The following QRICH1 variants were observed in gnomAD, a reference collection of about 807,000 sequenced individuals.
QRICH1 encodes glutamine rich 1, also known as transcriptional regulator QRICH1.
Under a neutral mutation model 87.1 loss-of-function variants are expected in QRICH1, and 16 were observed. That is an observed-to-expected ratio of 0.18 (90% CI 0.12 to 0.28). QRICH1 has a LOEUF of 0.28. Among genes scored for constraint, QRICH1 ranks in the 10% least tolerant of loss-of-function variants. The pLI is 1.00. For missense variants in QRICH1, 647 were observed against 951.7 expected (o/e 0.68, Z 4.21); for synonymous variants, 367 against 368.4 (o/e 1.00, Z 0.05).
chr3:49,082,667 G>A (rs2042084261), intron 1 of QRICH1, among the ~76,000 whole-genome samples: 1 of 151,250 alleles, frequency 6.6e-6, no homozygotes, highest in African/African-American at 2.4e-5. Context: ...AGGCTGAGGT[G>A]GGTGGATCAC....
chr3:49,047,099 C>T lies in QRICH1; in HGVS notation c.1486G>A (p.Asp496Asn). ...AQTKNAELEK[D>N]AQNRLAPIGR... is the part of the protein sequence containing the mutation. Reference sequence around the variant, plus strand: ...ATGGGTGCCAATCTGTTCTGAGCATCCTTCTCTAGTTCAGCATTCTTGGTC... The same window carrying T: ...ATGGGTGCCAATCTGTTCTGAGCATTCTTCTCTAGTTCAGCATTCTTGGTC... The change falls in exon 4 of 10, where the codon GAT (aspartate) becomes AAT (asparagine). Residue 496 changes from aspartate (D) to asparagine (N), a missense_variant. Asp to Asn is a conservative substitution (Grantham distance 23). Transcript: ENST00000395443. 1 of 1,614,076 alleles carries T rather than the reference C, an allele frequency of 6.2e-7. No homozygotes were observed. The highest frequency in any genetic ancestry group is 1.7e-5 in the Admixed American group (1 of 60,020).
chr3:49,055,082 A>G (rs1028456654), intron 3 of QRICH1, among the ~76,000 whole-genome samples: 6 of 152,224 alleles, frequency 3.9e-5, no homozygotes, highest in Non-Finnish European at 8.8e-5. Context: ...ACTCTAAGCT[A>G]TATGAAGCAA....
Position 49,056,928 on chromosome 3 carries a change from C to T in QRICH1, c.1272G>A (p.Gln424=). The T allele has an allele frequency of 6.2e-7, 1 of 1,614,100 alleles. No individual in the cohort carries two copies. The highest frequency in any genetic ancestry group is 1.3e-5 in the African/African-American group (1 of 75,044). ...GTGGTGTCTGTTCCTGGGGAGTTTG[C>T]TGCTGCGGCTGCTGTTGGGGGTCCC... ...HIWDPQQQPQ[Q]QTPQEQTPPP... Residue 424 remains glutamine, a synonymous_variant, in exon 3 of 10, where the codon CAG becomes CAA. Transcript: ENST00000395443.
At position 49,057,293 on chromosome 3, in the gene QRICH1, T is replaced by C; in HGVS notation, c.907A>G (p.Ser303Gly). 6.2e-7 allele frequency: 1 copy of C among 1,614,222 alleles called. No homozygotes were observed. Among genetic ancestry groups the C allele is most frequent in the Non-Finnish European group, 8.5e-7 (1 of 1,180,046 alleles). Residue 303 changes from serine (S) to glycine (G), a missense_variant, in exon 3 of 10, where the codon AGC becomes GGC. By Grantham distance (56) the Ser-to-Gly change is moderately conservative (BLOSUM62 0). Around this residue, in one of 7 missense-constraint regions of QRICH1, gnomAD observed 75 missense variants for 141.0 expected, o/e 0.53. Transcript: ENST00000395443. This position sits in a 1 kb window ranked among gnomAD's most constrained non-coding sequence, Gnocchi z 5.4. The part of the protein sequence containing the change: ...HLYSATGTIT[S>G]PTGETWTIPV... ...ATGGTCCAGGTTTCTCCTGTAGGGCTAGTAATGGTCCCAGTGGCACTGTAC... is the reference window on the plus strand; with the variant it reads ...ATGGTCCAGGTTTCTCCTGTAGGGCCAGTAATGGTCCCAGTGGCACTGTAC...
chr3:49,077,956 ACAGTT>A (rs2041983361), intron 1 of QRICH1, among the ~76,000 whole-genome samples: 1 of 152,222 alleles, frequency 6.6e-6, no homozygotes, highest in Admixed American at 6.5e-5. Flanking sequence ...CTGCAGACGT[ACAGTT>A]AACTCTCATC....
intron 1 of QRICH1, chr3:49,083,476 C>G (rs1300189170): frequency 1.3e-5 from 2 of 152,004 alleles, no homozygotes; most frequent in African/African-American, 2.4e-5. Flanking sequence ...TAGTAGAATC[C>G]TGTCTGTGGA....
At chr3:49,063,881 TA>T (rs1178517191) in intron 2 of QRICH1, among the ~76,000 whole-genome samples, 8 of 152,194 alleles carry the variant, frequency 5.3e-5, no homozygotes, top group African/African-American at 1.9e-4. Flanking sequence ...ACTTGTACTC[TA>T]AATTAAAACT....
chr3:49,077,160 T>A, intron 1 of QRICH1, 122 bp from the exon 2 acceptor site: 4 of 529,848 alleles, frequency 7.5e-6, no homozygotes, highest in African/African-American at 2.0e-5. Flanking sequence ...AATCAAAAAA[T>A]AAAGTTTTAT....
intron 6 of QRICH1, among the ~76,000 whole-genome samples, chr3:49,035,135 A>G (rs1187466606): frequency 6.6e-6 from 1 of 152,162 alleles, no homozygotes; most frequent in Non-Finnish European, 1.5e-5. Flanking sequence ...ATCCAGGATG[A>G]GCAGAAAACA....
upstream of QRICH1, chr3:49,094,078 C>T (rs907047005): frequency 1.5e-5 from 6 of 398,580 alleles, no homozygotes; most frequent in Admixed American, 8.8e-5. Context: ...CAATAGGAGC[C>T]GATTGCTCCT....
intron 2 of QRICH1, 73 bp downstream of exon 2, chr3:49,076,636 G>GT (rs2041957605): frequency 1.9e-6 from 2 of 1,073,998 alleles, no homozygotes; most frequent in Non-Finnish European, 2.5e-6. Context: ...TAGATGTGAT[G>GT]AGCCCACTAA....
At chr3:49,064,173 C>T (rs1385364989) in intron 2 of QRICH1, among the ~76,000 whole-genome samples, 2 of 151,566 alleles carry the variant, frequency 1.3e-5, no homozygotes, top group African/African-American at 2.4e-5. Context: ...TCAGGTGATC[C>T]GCCTGCCTCG....
chr3:49,042,126 T>G (rs1433610865), intron 6 of QRICH1, among the ~76,000 whole-genome samples: 1 of 147,524 alleles, frequency 6.8e-6, no homozygotes, highest in South Asian at 2.2e-4. Flanking sequence ...GGGCAGACTC[T>G]TGCTCTTGTC....
intron 7 of QRICH1, 94 bp from the exon 8 acceptor site, chr3:49,032,867 C>T (rs1261787016): frequency 2.9e-5 from 41 of 1,415,076 alleles, no homozygotes; most frequent in Non-Finnish European, 3.8e-5. Context: ...GGAGCCACTG[C>T]CCACATTCCC....
intron 1 of QRICH1, among the ~76,000 whole-genome samples, chr3:49,089,975 C>G (rs983213924): frequency 6.6e-6 from 1 of 152,148 alleles, no homozygotes; most frequent in Non-Finnish European, 1.5e-5. Flanking sequence ...GTACAGAGAT[C>G]GCCTAAATTT....
At chr3:49,056,791 G>A (rs752500843) in intron 3 of QRICH1, 71 bp downstream of exon 3, 18 of 1,605,794 alleles carry the variant, frequency 1.1e-5, no homozygotes, top group South Asian at 5.5e-5. Context: ...CAGAGGTTGC[G>A]AGGCAAGCTC....
At chr3:49,088,439 G>A (rs947111567) in intron 1 of QRICH1, among the ~76,000 whole-genome samples, 3 of 151,770 alleles carry the variant, frequency 2.0e-5, no homozygotes, top group African/African-American at 4.8e-5. Context: ...TGAACTACAG[G>A]CGCACGCCAC....
chr3:49,070,525 G>C (rs915248544), intron 2 of QRICH1, among the ~76,000 whole-genome samples: 2 of 151,526 alleles, frequency 1.3e-5, no homozygotes, highest in Non-Finnish European at 2.9e-5. Context: ...CTGCAACTTC[G>C]AACTCCTGGG....
chr3:49,038,604 G>A (rs989373367), intron 6 of QRICH1, among the ~76,000 whole-genome samples: 2 of 151,906 alleles, frequency 1.3e-5, no homozygotes. Context: ...TTTTAGTAGA[G>A]ATGGGGTTTC....
Sources: allele counts gnomAD v4.1 joint callset (sites outside exome capture counted in the v4.1 genomes callset), GRCh38; gene constraint gnomAD v4.1.1; regional missense constraint gnomAD v4.1.1; non-coding constraint Gnocchi (gnomAD v3.1); transcripts MANE v1.5; gene names NCBI Gene and HGNC (gene_info 2026-07-23, HGNC 2026-07-21).